Variants in UXS1 observed in about 807,000 individuals in gnomAD.
The protein encoded by UXS1 is UDP-glucuronate decarboxylase 1.
UXS1 carries 33 observed loss-of-function variants against 62.6 expected under a neutral mutation model. That is an observed-to-expected ratio of 0.53 (90% CI 0.40 to 0.70). UXS1 has a LOEUF of 0.70. UXS1 is among the 30% of genes least tolerant of loss of function. The pLI, the probability that UXS1 is intolerant of heterozygous loss-of-function variation, is 0.00. For missense variants in UXS1, 434 were observed against 556.3 expected (o/e 0.78, Z 2.21); for synonymous variants, 213 against 206.8 (o/e 1.03, Z -0.26).
rs749012209 is a variant in UXS1 at position 106,167,609 on chromosome 2, T to TA, written c.95-1527dup. Among the ~76,000 whole-genome samples, 76 of 151,800 alleles carry TA rather than the reference T, an allele frequency of 5.0e-4. No homozygotes were observed. The South Asian group carries it at 8.5e-3, about 17-fold the overall frequency. On this transcript the variant is annotated intron_variant, in intron 1 of 14. Transcript: ENST00000283148. ...TTCAAACAGAGGAGAAAACTTGGTTTAAAAAAAAGACAGCAATATATGACC... is the reference window on the plus strand; with the variant it reads ...TTCAAACAGAGGAGAAAACTTGGTTTAAAAAAAAAGACAGCAATATATGACC...
intron 11 of UXS1, 31 bp from the exon 12 acceptor site, chr2:106,101,149 T>C (rs755638783): frequency 6.1e-5 from 98 of 1,613,102 alleles, no homozygotes; most frequent in Non-Finnish European, 7.9e-5. Context: ...GGTGAGGCTC[T>C]GCCTGCTGGA....
chr2:106,194,266 G>A lies in UXS1; in HGVS notation c.-25C>T, dbSNP rs1490714551. On this transcript the variant is annotated 5_prime_UTR_variant, in exon 1 of 15. Transcript: ENST00000283148. Reference sequence around the variant, plus strand: ...TCCCCGGGAGCCGCGCGGGTCCAGGGCCCTACCGCGCGGGGGCCCGCCTGC... The same window carrying A: ...TCCCCGGGAGCCGCGCGGGTCCAGGACCCTACCGCGCGGGGGCCCGCCTGC... 2.3e-5 allele frequency: 30 copies of A among 1,316,760 alleles called. No individual in the cohort carries two copies. The highest frequency in any genetic ancestry group is 2.6e-4 in the Middle Eastern group (1 of 3,812). The allele number at this position is 1,316,760 out of a possible 1,614,324, so 81.6% of individuals were successfully genotyped here.
intron 9 of UXS1, among the ~76,000 whole-genome samples, chr2:106,121,336 C>T (rs972535783): frequency 2.6e-5 from 4 of 152,132 alleles, no homozygotes; most frequent in Non-Finnish European, 5.9e-5. Context: ...CTACATTAGC[C>T]GAATAATCAT....
chr2:106,151,202 T>C lies in UXS1; in HGVS notation c.292-5832A>G, dbSNP rs1483272746. On this transcript the variant is annotated intron_variant, in intron 5 of 14. Transcript: ENST00000283148. The stretch of plus-strand genomic sequence containing the variant: ...TAGATGAGACTTTGGACTTTCGAGT[T>C]GGTGCTGGAACAAGTTAAAATGCTG... 2.0e-5 allele frequency among the ~76,000 whole-genome samples: 3 copies of C among 152,216 alleles called. No homozygotes were observed. In the East Asian group the frequency reaches 5.8e-4, roughly 29 times the overall value.
intron 6 of UXS1, among the ~76,000 whole-genome samples, chr2:106,139,319 G>A (rs1322437632): frequency 1.3e-5 from 2 of 152,142 alleles, no homozygotes; most frequent in African/African-American, 4.8e-5. Context: ...GCCTAAAAGA[G>A]CTCCAATTAA....
rs560710718 is a variant in UXS1, at chr2:106,145,078, C to A, written c.472+112G>T. On this transcript the variant is annotated intron_variant, in intron 6 of 14. Transcript: ENST00000283148. ...TATTGAGACATTTCAAAAATAAAACCCAACATAGCTTTCAATGTGCTGAGT... is the reference window on the plus strand; with the variant it reads ...TATTGAGACATTTCAAAAATAAAACACAACATAGCTTTCAATGTGCTGAGT... The A allele has an allele frequency of 2.8e-4, 334 of 1,212,500 alleles. No individual in the cohort carries two copies. The African/African-American group carries it at 4.2e-3, about 15-fold the overall frequency. The allele number at this position is 1,212,500 out of a possible 1,614,324, so 75.1% of individuals were successfully genotyped here.
At chr2:106,118,797 A>G (rs994957135) in intron 9 of UXS1, among the ~76,000 whole-genome samples, 1 of 152,216 alleles carries the variant, frequency 6.6e-6, no homozygotes, top group African/African-American at 2.4e-5. Context: ...AATTATTCCT[A>G]CATCTATCTT....
At chr2:106,183,729 G>A (rs898560961) in intron 1 of UXS1, 1 of 152,144 alleles carries the variant, frequency 6.6e-6, no homozygotes, top group East Asian at 1.9e-4. Flanking sequence ...ATCAAGTGAA[G>A]TTATCAGCTC....
At chr2:106,146,881 G>A (rs1468400939) in intron 5 of UXS1, among the ~76,000 whole-genome samples, 1 of 151,974 alleles carries the variant, frequency 6.6e-6, no homozygotes, top group African/African-American at 2.4e-5. Flanking sequence ...TGGGTTGGGT[G>A]CAGTGGCTCA....
chr2:106,159,617 T>G (rs560778562), intron 4 of UXS1, among the ~76,000 whole-genome samples: 6 of 152,312 alleles, frequency 3.9e-5, no homozygotes, highest in African/African-American at 1.4e-4. Context: ...CAAAAGTGCT[T>G]TAAATAAAAT....
At chr2:106,138,752 C>T (rs962434426) in intron 6 of UXS1, 74 of 985,330 alleles carry the variant, frequency 7.5e-5, no homozygotes, top group Non-Finnish European at 8.8e-5. Context: ...AGTTAAGTAG[C>T]GGCACTGCTG....
At chr2:106,125,279 A>G (rs1679838671) in intron 8 of UXS1, among the ~76,000 whole-genome samples, 1 of 152,250 alleles carries the variant, frequency 6.6e-6, no homozygotes, top group East Asian at 1.9e-4. Flanking sequence ...ACTCACATAG[A>G]AGAATGACAT....
intron 10 of UXS1, among the ~76,000 whole-genome samples, chr2:106,111,333 G>T (rs1270815382): frequency 1.3e-5 from 2 of 152,192 alleles, no homozygotes; most frequent in Non-Finnish European, 2.9e-5. Context: ...TTAGTGACAG[G>T]GGGAGGTGGG....
At chr2:106,130,763 C>A (rs1680379937) in intron 6 of UXS1, among the ~76,000 whole-genome samples, 3 of 152,210 alleles carry the variant, frequency 2.0e-5, no homozygotes, top group Admixed American at 2.0e-4. Context: ...GGTTCTCAAT[C>A]AATCCTGACT....
chr2:106,104,656 T>A, intron 11 of UXS1, 138 bp downstream of exon 11: 1 of 1,040,840 alleles, frequency 9.6e-7, no homozygotes. Flanking sequence ...CATCATAAAA[T>A]TAAAAATTTT....
Position 106,098,698 on chromosome 2 carries a change from A to G in UXS1, c.1042+18T>C. On this transcript the variant is annotated intron_variant, in intron 13 of 14. Transcript: ENST00000283148. ...AGGCACAGTCGATTTTACTCAGGAA[A>G]TGACTTATCCTACTTACCAACAAGG... 1 of 1,602,784 alleles carries G rather than the reference A, an allele frequency of 6.2e-7. No individual in the cohort carries two copies. The highest frequency in any genetic ancestry group is 1.1e-5 in the South Asian group (1 of 89,610).
At chr2:106,184,817 T>G (rs1330625270) in intron 1 of UXS1, among the ~76,000 whole-genome samples, 1 of 152,114 alleles carries the variant, frequency 6.6e-6, no homozygotes, top group African/African-American at 2.4e-5. Context: ...ACCATACATA[T>G]CATATACCAG....
chr2:106,161,243 A>T (rs529888791), intron 4 of UXS1, among the ~76,000 whole-genome samples: 40 of 150,634 alleles, frequency 2.7e-4, no homozygotes, highest in Non-Finnish European at 5.9e-5. Flanking sequence ...CCCCAGATGG[A>T]GTGTAGCGGC....
chr2:106,095,133 T>C (rs978932787), intron 14 of UXS1, among the ~76,000 whole-genome samples: 2 of 152,176 alleles, frequency 1.3e-5, no homozygotes, highest in African/African-American at 2.4e-5. Flanking sequence ...TCCAGAAAGA[T>C]AAAGATACTG....
Sources: gnomAD v4.1 joint callset for allele counts (sites outside exome capture counted in the v4.1 genomes callset) on GRCh38, gnomAD v4.1.1 for gene constraint, MANE v1.5 for transcripts, NCBI Gene and HGNC (gene_info 2026-07-23, HGNC 2026-07-21) for gene names.